Variants in LRGUK observed in about 807,000 individuals in gnomAD.
LRGUK encodes the protein leucine-rich repeat and guanylate kinase domain-containing protein.
In LRGUK, 65 loss-of-function variants were observed where a neutral mutation model predicts 76.0. The ratio of observed to expected loss-of-function variants is 0.85; its 90% CI spans 0.70 to 1.05. The LOEUF (loss-of-function observed/expected upper bound fraction) is 1.05. Ranked by LOEUF, LRGUK falls within the 50% of genes least tolerant of loss-of-function variation. The pLI, the probability that LRGUK is intolerant of heterozygous loss-of-function variation, is 0.00. For synonymous variants in LRGUK, 268 were observed against 265.6 expected (o/e 1.01, Z -0.09); for missense variants, 758 against 732.8 (o/e 1.03, Z -0.40).
intron 6 of LRGUK, among the ~76,000 whole-genome samples, chr7:134,161,752 A>T (rs1798742476): frequency 7.0e-6 from 1 of 141,894 alleles, no homozygotes; most frequent in South Asian, 2.2e-4. Flanking sequence ...GTGCAGTGGC[A>T]CGATCTGGGC....
At chr7:134,225,628 AAATAT>A (rs1801723176) in intron 16 of LRGUK, among the ~76,000 whole-genome samples, 1 of 152,222 alleles carries the variant, frequency 6.6e-6, no homozygotes, top group African/African-American at 2.4e-5. Context: ...AAATTAGGGC[AAATAT>A]AATACTGAAT....
chr7:134,265,659 T>C (rs1802841917), downstream of LRGUK, among the ~76,000 whole-genome samples: 1 of 152,182 alleles, frequency 6.6e-6, no homozygotes, highest in Non-Finnish European at 1.5e-5. Context: ...CAACCTCTTC[T>C]GGCTGTAACA....
chr7:134,256,267 G>A lies in LRGUK; in HGVS notation c.2199-1990G>A, dbSNP rs113032331. 8.6e-3 allele frequency among the ~76,000 whole-genome samples: 1,314 copies of A among 152,062 alleles called. 15 individuals are homozygous for A. Among genetic ancestry groups the A allele is most frequent in the African/African-American group, 0.025 (1,025 of 41,504 alleles). On this transcript the variant is annotated intron_variant, in intron 18 of 19. Transcript: ENST00000285928. ...GAGGTCAGGAGTTCGAGACCAGCCCGGCCAACATGGAGAAACCCCGTCTCT... is the reference window on the plus strand; with the variant it reads ...GAGGTCAGGAGTTCGAGACCAGCCCAGCCAACATGGAGAAACCCCGTCTCT...
intron 7 of LRGUK, among the ~76,000 whole-genome samples, chr7:134,173,944 A>G (rs906675295): frequency 2.0e-5 from 3 of 152,108 alleles, no homozygotes; most frequent in Non-Finnish European, 4.4e-5. Context: ...CCCCGTTTCT[A>G]CTAAAAATGC....
chr7:134,129,100 T>C, intron 1 of LRGUK, among the ~76,000 whole-genome samples: 3 of 144,796 alleles, frequency 2.1e-5, no homozygotes, highest in African/African-American at 5.5e-5. Context: ...CTTCCTCCCT[T>C]CCTTCCTGCC....
intron 1 of LRGUK, among the ~76,000 whole-genome samples, chr7:134,129,618 G>A (rs1655548111): frequency 6.6e-6 from 1 of 150,972 alleles, no homozygotes. Context: ...GACTACAGGT[G>A]TACACCAAAG....
At chr7:134,177,294 T>A (rs1332520634) in intron 9 of LRGUK, among the ~76,000 whole-genome samples, 1 of 152,206 alleles carries the variant, frequency 6.6e-6, no homozygotes, top group Non-Finnish European at 1.5e-5. Context: ...GTTAGTACAG[T>A]GAAGAGGTTG....
chr7:134,261,815 A>G (rs568851055), intron 19 of LRGUK, among the ~76,000 whole-genome samples: 1 of 152,322 alleles, frequency 6.6e-6, no homozygotes, highest in Admixed American at 6.5e-5. Context: ...TAGCGTGAGA[A>G]CAGCTATAAA....
intron 16 of LRGUK, among the ~76,000 whole-genome samples, chr7:134,236,402 G>T (rs894615576): frequency 6.6e-6 from 1 of 152,032 alleles, no homozygotes; most frequent in Admixed American, 6.5e-5. Flanking sequence ...TAATCTACAG[G>T]TTCTCCACCC....
chr7:134,135,804 C>T lies in LRGUK; in HGVS notation c.298-1219C>T, dbSNP rs530785187. ...CTGAGTAGCTGGGACTCCAGGCGCC[C>T]GCCACCACATCCGGCTAATTTTTTT... On this transcript the variant is annotated intron_variant, in intron 1 of 15. Transcript: ENST00000645682. 1.7e-4 allele frequency among the ~76,000 whole-genome samples: 26 copies of T among 152,300 alleles called. No individual in the cohort carries two copies. In the South Asian group the frequency reaches 1.9e-3, roughly 11 times the overall value.
chr7:134,194,086 G>C (rs1800378996), intron 12 of LRGUK, among the ~76,000 whole-genome samples: 1 of 152,118 alleles, frequency 6.6e-6, no homozygotes, highest in Non-Finnish European at 1.5e-5. Flanking sequence ...CACAGACCCT[G>C]AGGTTTCTGG....
At chr7:134,179,871 T>G (rs1236203266) in intron 10 of LRGUK, among the ~76,000 whole-genome samples, 2 of 152,146 alleles carry the variant, frequency 1.3e-5, no homozygotes, top group Non-Finnish European at 2.9e-5. Context: ...TCCTACTCTG[T>G]CTAGGCCAGT....
intron 8 of LRGUK, 57 bp from the exon 9 acceptor site, chr7:134,176,920 G>C (rs1799504623): frequency 9.9e-7 from 1 of 1,010,698 alleles, no homozygotes; most frequent in South Asian, 1.4e-5. Flanking sequence ...CAATGCTGGT[G>C]CTTGTTGATT....
exon 16 of LRGUK, chr7:134,208,991 C>G: frequency 5.0e-6 from 2 of 399,168 alleles, no homozygotes; most frequent in Non-Finnish European, 8.8e-6. Context: ...TCAGCAGGCC[C>G]AGGACCTATC....
At chr7:134,178,409 C>T (rs544269397) in intron 9 of LRGUK, 94 bp from the exon 10 acceptor site, 12 of 828,970 alleles carry the variant, frequency 1.4e-5, no homozygotes, top group East Asian at 8.0e-5. Context: ...CCTGGCTGCA[C>T]GTGAACAACA....
At chr7:134,195,657 A>G (rs1363471673) in intron 12 of LRGUK, among the ~76,000 whole-genome samples, 32 of 152,126 alleles carry the variant, frequency 2.1e-4, no homozygotes, top group Admixed American at 6.6e-5. Context: ...ACATCTTCCA[A>G]GTTGACACAT....
At chr7:134,210,077 G>A (rs1359186620) in exon 16 of LRGUK, 4 of 399,164 alleles carry the variant, frequency 1.0e-5, no homozygotes, top group African/African-American at 2.1e-5. Context: ...GCAGACAGGG[G>A]CTAGGGAAAA....
At chr7:134,137,099 C>G in exon 2 of LRGUK, 1 of 1,612,746 alleles carries the variant, frequency 6.2e-7, no homozygotes, top group East Asian at 2.2e-5. Context: ...GGCTCTGGGA[C>G]TGAGCAAGTC....
intron 18 of LRGUK, among the ~76,000 whole-genome samples, chr7:134,252,031 G>T (rs1175948976): frequency 6.6e-6 from 1 of 152,072 alleles, no homozygotes; most frequent in Non-Finnish European, 1.5e-5. Flanking sequence ...AGGAGACTTT[G>T]CTCTGTATAA....
Sources: gnomAD v4.1 joint callset for allele counts (sites outside exome capture counted in the v4.1 genomes callset) on GRCh38, gnomAD v4.1.1 for gene constraint, MANE v1.5 for transcripts, NCBI Gene and HGNC (gene_info 2026-07-23, HGNC 2026-07-21) for gene names.